Variants in LOC400499 observed in about 807,000 individuals in gnomAD.
chr16:11,446,693 G>A, the LOC400499 span: 2 of 1,532,502 alleles, frequency 1.3e-6, no homozygotes, highest in Non-Finnish European at 1.7e-6. Context: ...GGAGGCAGCT[G>A]GGGCCTTCCT....
At chr16:11,428,683 C>T in the LOC400499 span, among the ~76,000 whole-genome samples, 2 of 152,108 alleles carry the variant, frequency 1.3e-5, no homozygotes, top group African/African-American at 4.8e-5. Flanking sequence ...TGGCGACCTC[C>T]TATCTCTTCC....
chr16:11,466,758 T>C, the LOC400499 span, among the ~76,000 whole-genome samples: 2 of 152,292 alleles, frequency 1.3e-5, no homozygotes, highest in Middle Eastern at 3.4e-3. Flanking sequence ...TACCCTTTCA[T>C]AGCTTTTGAA....
At chr16:11,488,156 G>A in the LOC400499 span, among the ~76,000 whole-genome samples, 2 of 151,336 alleles carry the variant, frequency 1.3e-5, no homozygotes, top group South Asian at 2.1e-4. Context: ...CCCGCCTCTT[G>A]GTGTACAGTA....
the LOC400499 span, among the ~76,000 whole-genome samples, chr16:11,409,097 C>G: frequency 6.6e-6 from 1 of 151,534 alleles, no homozygotes; most frequent in Non-Finnish European, 1.5e-5. Context: ...CCCATCTCTA[C>G]CAAAAATACA....
the LOC400499 span, chr16:11,390,321 G>A: frequency 8.1e-7 from 1 of 1,233,190 alleles, no homozygotes; most frequent in Non-Finnish European, 1.0e-6. Flanking sequence ...CCGCCCTGAT[G>A]GGCCTTGGAC....
chr16:11,383,424 C>G, the LOC400499 span, among the ~76,000 whole-genome samples: 9 of 152,310 alleles, frequency 5.9e-5, no homozygotes, highest in African/African-American at 1.9e-4. Flanking sequence ...CAAGAACTCA[C>G]TCTTCACCAA....
the LOC400499 span, among the ~76,000 whole-genome samples, chr16:11,466,578 G>A: frequency 4.6e-3 from 706 of 152,002 alleles, 3 homozygotes; most frequent in Non-Finnish European, 8.4e-3. Flanking sequence ...TGGTAGAGAC[G>A]GGGTTTTGCC....
At chr16:11,502,357 A>G in the LOC400499 span, among the ~76,000 whole-genome samples, 4 of 152,118 alleles carry the variant, frequency 2.6e-5, no homozygotes, top group Non-Finnish European at 4.4e-5. Context: ...CTTCTCCCTC[A>G]CTGCACCCCA....
At chr16:11,441,001 C>G in the LOC400499 span, 1 of 398,958 alleles carries the variant, frequency 2.5e-6, no homozygotes, top group African/African-American at 2.1e-5. Flanking sequence ...TGAGATCTGT[C>G]ATGATGCAAA....
At chr16:11,385,676 C>G in the LOC400499 span, among the ~76,000 whole-genome samples, 1 of 152,192 alleles carries the variant, frequency 6.6e-6, no homozygotes, top group African/African-American at 2.4e-5. Flanking sequence ...AAATACTGTG[C>G]TAAGTAAAAA....
At chr16:11,381,627 G>T in the LOC400499 span, among the ~76,000 whole-genome samples, 1 of 152,194 alleles carries the variant, frequency 6.6e-6, no homozygotes, top group Non-Finnish European at 1.5e-5. Flanking sequence ...TGGATCCCTT[G>T]AGTAAGTGTC....
At chr16:11,402,279 G>A in the LOC400499 span, 371 of 397,930 alleles carry the variant, frequency 9.3e-4, no homozygotes, top group Non-Finnish European at 1.0e-3. Context: ...ATGGCCACTC[G>A]GGGGCCACAC....
chr16:11,375,239 C>G, the LOC400499 span, among the ~76,000 whole-genome samples: 92 of 143,908 alleles, frequency 6.4e-4, 14 homozygotes, highest in African/African-American at 2.2e-3. Context: ...TCAAACAACT[C>G]AATGTCCTAA....
At chr16:11,406,791 C>G in the LOC400499 span, among the ~76,000 whole-genome samples, 22 of 152,236 alleles carry the variant, frequency 1.4e-4, no homozygotes, top group Admixed American at 1.4e-3. Context: ...TGTGTCGTCT[C>G]TTCAGTGGGG....
the LOC400499 span, among the ~76,000 whole-genome samples, chr16:11,509,676 C>T: frequency 1.3e-5 from 2 of 151,534 alleles, no homozygotes; most frequent in Admixed American, 6.6e-5. Context: ...TTAAAAATAC[C>T]AAAAATTAGC....
At chr16:11,475,212 T>C in the LOC400499 span, among the ~76,000 whole-genome samples, 1 of 152,162 alleles carries the variant, frequency 6.6e-6, no homozygotes, top group Admixed American at 6.6e-5. Context: ...ACCTAATGCA[T>C]GCGGGGCTTG....
the LOC400499 span, chr16:11,460,911 G>C: frequency 1.3e-6 from 2 of 1,482,614 alleles, no homozygotes; most frequent in African/African-American, 2.8e-5. Context: ...CTAGGAAACA[G>C]GGCAGGCCCT....
At chr16:11,377,156 T>A in the LOC400499 span, among the ~76,000 whole-genome samples, 13 of 152,210 alleles carry the variant, frequency 8.5e-5, no homozygotes, top group African/African-American at 2.9e-4. Flanking sequence ...GATTCTTGAC[T>A]GTTAGCATGT....
At chr16:11,446,800 C>T in the LOC400499 span, 14 of 1,536,042 alleles carry the variant, frequency 9.1e-6, no homozygotes, top group Middle Eastern at 1.7e-4. Flanking sequence ...GGTTTCCTCT[C>T]GGCCATTCAG....
Sources: allele counts gnomAD v4.1 joint callset (sites outside exome capture counted in the v4.1 genomes callset), GRCh38; gene constraint gnomAD v4.1.1; transcripts MANE v1.5.